Variants in ANXA8 observed in about 807,000 individuals in gnomAD.
The protein encoded by ANXA8 is annexin A8.
A neutral mutation model predicts 26.8 loss-of-function variants in ANXA8; 9 were observed. That is an observed-to-expected ratio of 0.34 (90% CI 0.20 to 0.59). The LOEUF (loss-of-function observed/expected upper bound fraction) is 0.59, where lower values mean the gene tolerates loss of function less well. Ranked by LOEUF, ANXA8 falls within the 20% of genes least tolerant of loss-of-function variation. The pLI is 0.84. For missense variants in ANXA8, 83 were observed against 238.5 expected (o/e 0.35, Z 4.29); for synonymous variants, 39 against 94.8 (o/e 0.41, Z 3.42).
the ANXA8 span, among the ~76,000 whole-genome samples, chr10:47,671,050 A>C: frequency 2.6e-5 from 4 of 151,848 alleles, no homozygotes. Context: ...TCCCAGCAGA[A>C]GTGAAGTTAG....
At chr10:47,688,062 T>C in the ANXA8 span, among the ~76,000 whole-genome samples, 1 of 151,250 alleles carries the variant, frequency 6.6e-6, no homozygotes, top group Admixed American at 6.6e-5. Context: ...GATCGCGTCA[T>C]TGCACTCCAG....
chr10:47,957,912 A>T, the ANXA8 span, among the ~76,000 whole-genome samples: 1 of 150,486 alleles, frequency 6.6e-6, no homozygotes, highest in African/African-American at 2.5e-5. Context: ...CTGCAATTCA[A>T]TAATAAGAAG....
chr10:47,512,296 G>GT, the ANXA8 span, among the ~76,000 whole-genome samples: 1 of 110,852 alleles, frequency 9.0e-6, no homozygotes, highest in Admixed American at 9.9e-5. Context: ...GACTTCTGCT[G>GT]TACCTGCTGC....
chr10:47,525,622 G>A, the ANXA8 span, among the ~76,000 whole-genome samples: 1 of 136,876 alleles, frequency 7.3e-6, no homozygotes, highest in African/African-American at 2.7e-5. Context: ...AAGCTTGGAT[G>A]GGAAATGACA....
chr10:47,727,021 GA>G, the ANXA8 span: 6 of 1,165,014 alleles, frequency 5.2e-6, no homozygotes, highest in Non-Finnish European at 7.8e-6. Context: ...TATCAGAACA[GA>G]AAGAGCACTG....
At chr10:47,690,746 A>G in the ANXA8 span, 2 of 1,593,694 alleles carry the variant, frequency 1.3e-6, no homozygotes, top group Non-Finnish European at 1.7e-6. Context: ...AGTTCTGAAG[A>G]TGAACTGCCA....
At chr10:47,620,642 C>T in the ANXA8 span, among the ~76,000 whole-genome samples, 3 of 106,010 alleles carry the variant, frequency 2.8e-5, 1 homozygote, top group African/African-American at 1.1e-4. Flanking sequence ...CACAGATCTA[C>T]TATCTGTCTT....
chr10:47,501,144 C>T, the ANXA8 span, among the ~76,000 whole-genome samples: 14 of 141,638 alleles, frequency 9.9e-5, no homozygotes, highest in South Asian at 2.9e-3. Context: ...CCTCATGATC[C>T]GCCTGCCTCG....
chr10:47,672,922 A>C, the ANXA8 span, among the ~76,000 whole-genome samples: 2 of 151,566 alleles, frequency 1.3e-5, no homozygotes, highest in Non-Finnish European at 2.9e-5. Flanking sequence ...TGAGGATACA[A>C]GGGAGCCTAA....
the ANXA8 span, among the ~76,000 whole-genome samples, chr10:47,906,917 CA>C: frequency 1.5e-5 from 2 of 137,160 alleles, no homozygotes; most frequent in Admixed American, 1.5e-4. Flanking sequence ...CCCTCATTTT[CA>C]AATGCACTTC....
chr10:47,967,260 G>T, the ANXA8 span, among the ~76,000 whole-genome samples: 2,959 of 150,824 alleles, frequency 0.02, 139 homozygotes, highest in African/African-American at 0.068. Context: ...TCTGGTGGGC[G>T]CCTCCACAAT....
At chr10:47,777,380 C>T in the ANXA8 span, among the ~76,000 whole-genome samples, 3 of 151,950 alleles carry the variant, frequency 2.0e-5, no homozygotes, top group Non-Finnish European at 4.4e-5. Flanking sequence ...CTCGAACTCC[C>T]GGGCTCAAGC....
the ANXA8 span, among the ~76,000 whole-genome samples, chr10:47,566,926 AG>A: frequency 7.0e-6 from 1 of 143,876 alleles, no homozygotes; most frequent in African/African-American, 2.6e-5. Context: ...GTCAGGCAGG[AG>A]GGGGGCCTGG....
chr10:47,607,375 T>C, the ANXA8 span, among the ~76,000 whole-genome samples: 67 of 147,140 alleles, frequency 4.6e-4, 1 homozygote, highest in African/African-American at 1.7e-3. Context: ...GCACAGAACC[T>C]GTGTTTAGGT....
chr10:47,705,938 G>A, the ANXA8 span, among the ~76,000 whole-genome samples: 1 of 150,524 alleles, frequency 6.6e-6, no homozygotes, highest in Non-Finnish European at 1.5e-5. Flanking sequence ...TTCGGGGGGC[G>A]GAGGCGGCGG....
chr10:47,580,573 G>A, the ANXA8 span, among the ~76,000 whole-genome samples: 17 of 149,044 alleles, frequency 1.1e-4, no homozygotes, highest in African/African-American at 4.0e-4. Flanking sequence ...CTGTCTCTAC[G>A]AAAAAAAAAT....
chr10:47,639,298 A>AATTATT, the ANXA8 span, among the ~76,000 whole-genome samples: 11 of 74,216 alleles, frequency 1.5e-4, no homozygotes, highest in African/African-American at 3.1e-4. Context: ...ACGCCCGGCT[A>AATTATT]ATTATTATTA....
At chr10:47,581,055 AAC>A in the ANXA8 span, among the ~76,000 whole-genome samples, 1 of 150,352 alleles carries the variant, frequency 6.7e-6, no homozygotes, top group African/African-American at 2.5e-5. Context: ...AACCTTGAGC[AAC>A]AGAGTGAGGC....
chr10:47,947,574 AT>A, the ANXA8 span, among the ~76,000 whole-genome samples: 1 of 150,650 alleles, frequency 6.6e-6, no homozygotes, highest in Non-Finnish European at 1.5e-5. Flanking sequence ...ATGGGGGCAG[AT>A]TTCCCCCTTG....
Sources: allele counts gnomAD v4.1 joint callset (sites outside exome capture counted in the v4.1 genomes callset), GRCh38; gene constraint gnomAD v4.1.1; transcripts MANE v1.5; gene names NCBI Gene and HGNC (gene_info 2026-07-23, HGNC 2026-07-21).